KIAA0232: variants seen among roughly 807,000 people sequenced by gnomAD.
KIAA0232 encodes uncharacterized protein KIAA0232.
Under a neutral mutation model 122.0 loss-of-function variants are expected in KIAA0232, and 27 were observed. That is an observed-to-expected ratio of 0.22 (90% confidence interval 0.16 to 0.31). KIAA0232 has a LOEUF of 0.31. Among genes scored for constraint, KIAA0232 ranks in the 10% least tolerant of loss-of-function variants. The pLI, the probability that KIAA0232 is intolerant of heterozygous loss-of-function variation, is 1.00. For synonymous variants in KIAA0232, 613 were observed against 587.6 expected (o/e 1.04, Z -0.63); for missense variants, 1,551 against 1,634.2 (o/e 0.95, Z 0.88).
intron 2 of KIAA0232, among the ~76,000 whole-genome samples, chr4:6,816,784 T>A (rs917958998): frequency 1.3e-5 from 2 of 152,222 alleles, no homozygotes; most frequent in African/African-American, 4.8e-5. Context: ...TTTATAGATA[T>A]AGGACTGTTC....
intron 1 of KIAA0232, among the ~76,000 whole-genome samples, chr4:6,797,384 G>A (rs1001115042): frequency 6.6e-6 from 1 of 152,150 alleles, no homozygotes; most frequent in African/African-American, 2.4e-5. Context: ...AGGCCTGTTG[G>A]GACAGTGAAC....
chr4:6,841,893 C>T (rs1457495575), intron 3 of KIAA0232, among the ~76,000 whole-genome samples, 174 bp from the exon 4 acceptor site: 1 of 152,126 alleles, frequency 6.6e-6, no homozygotes, highest in African/African-American at 2.4e-5. Flanking sequence ...TTTATAGAAT[C>T]AAGATAATCC....
At chr4:6,842,046 C>G (rs1188130864) in intron 3 of KIAA0232, 21 bp from the exon 4 acceptor site, 2 of 1,612,764 alleles carry the variant, frequency 1.2e-6, no homozygotes, top group Non-Finnish European at 1.7e-6. Context: ...GGTCATTTAA[C>G]CTGGTGCAAT....
intron 3 of KIAA0232, among the ~76,000 whole-genome samples, chr4:6,829,254 C>T (rs368373248): frequency 3.3e-5 from 5 of 152,078 alleles, no homozygotes; most frequent in Admixed American, 6.6e-5. Context: ...GGGCCAGTGA[C>T]GACAGTCTTT....
chr4:6,797,458 C>T lies in KIAA0232; in HGVS notation c.-353-7065C>T, dbSNP rs147314601. ...ATGCTAAATGCAGGGAAAAAGACTTCGCTTTAACCCTCAACAAATGTATAA... is the reference window on the plus strand; with the variant it reads ...ATGCTAAATGCAGGGAAAAAGACTTTGCTTTAACCCTCAACAAATGTATAA... On this transcript the variant is annotated intron_variant, in intron 1 of 9. Transcript: ENST00000307659. Among the ~76,000 whole-genome samples the T allele has an allele frequency of 2.0e-4, 31 of 152,290 alleles. No individual in the cohort carries two copies. In the East Asian group the frequency reaches 4.6e-3, roughly 23 times the overall value.
chr4:6,784,269 TAGAA>T (rs1209272797), intron 1 of KIAA0232, among the ~76,000 whole-genome samples: 4 of 152,098 alleles, frequency 2.6e-5, no homozygotes, highest in Non-Finnish European at 4.4e-5. Context: ...TAAAAACTGT[TAGAA>T]AGCTCGTGAG....
chr4:6,880,456 C>T (rs6820582), intron 9 of KIAA0232, among the ~76,000 whole-genome samples: 46,195 of 150,370 alleles, frequency 0.31, 8,012 homozygotes, highest in Middle Eastern at 0.39. Context: ...GCCTGGCATG[C>T]GCCTTCCACT....
chr4:6,849,591 G>T (rs918281073), intron 4 of KIAA0232, among the ~76,000 whole-genome samples: 3 of 152,084 alleles, frequency 2.0e-5, no homozygotes, highest in Non-Finnish European at 4.4e-5. Context: ...ACTGCAGCCT[G>T]GGCAACAGAG....
At chr4:6,815,345 G>A (rs1334732103) in intron 2 of KIAA0232, among the ~76,000 whole-genome samples, 3 of 152,106 alleles carry the variant, frequency 2.0e-5, no homozygotes, top group African/African-American at 7.2e-5. Flanking sequence ...CAGATAATTC[G>A]TGAACCAACA....
At chr4:6,826,045 G>A (rs1267247793) in intron 3 of KIAA0232, among the ~76,000 whole-genome samples, 1 of 152,050 alleles carries the variant, frequency 6.6e-6, no homozygotes, top group East Asian at 1.9e-4. Flanking sequence ...GAACTCCTGG[G>A]CTCAAGCAAT....
chr4:6,873,208 T>C (rs1560211315), intron 8 of KIAA0232, among the ~76,000 whole-genome samples: 3 of 152,196 alleles, frequency 2.0e-5, no homozygotes, highest in Admixed American at 2.0e-4. Flanking sequence ...GTCTCAAGTT[T>C]AGTACTGTAA....
At chr4:6,788,350 C>G (rs1199059138) in intron 1 of KIAA0232, among the ~76,000 whole-genome samples, 1 of 152,204 alleles carries the variant, frequency 6.6e-6, no homozygotes, top group African/African-American at 2.4e-5. Context: ...TATTTCAACA[C>G]AAGACCTCTG....
rs34146483 is a variant in KIAA0232 at position 6,806,737 on chromosome 4, C to CA, written c.-270+2157dup. The stretch of plus-strand genomic sequence containing the variant: ...TGACAGAGCTAGATAGACTCCCTCT[C>CA]AAAAAAAAAAAAAAAAAAAAAAAAA... On this transcript the variant is annotated intron_variant, in intron 2 of 9. Transcript: ENST00000307659. 5.5e-3 allele frequency among the ~76,000 whole-genome samples: 262 copies of CA among 47,656 alleles called. 14 individuals are homozygous for CA. Among genetic ancestry groups the CA allele is most frequent in the South Asian group, 0.025 (19 of 764 alleles). 31.3% of individuals were successfully genotyped at this position (47,656 alleles called of 152,430 possible).
At chr4:6,856,345 A>G (rs903030232) in intron 4 of KIAA0232, among the ~76,000 whole-genome samples, 2 of 152,184 alleles carry the variant, frequency 1.3e-5, no homozygotes, top group South Asian at 4.1e-4. Flanking sequence ...AAAGTTTCTG[A>G]GAAATACATT....
At position 6,822,403 on chromosome 4, in the gene KIAA0232, T is replaced by C. The variant is rs111228584; in HGVS notation, c.-269-1782T>C. ...AATTTACTACATAGTGATAGATAAA[T>C]GCAAGAAACTCAGTCTTAAATCTTT... On this transcript the variant is annotated intron_variant, in intron 2 of 9. Transcript: ENST00000307659. Among the ~76,000 whole-genome samples the C allele has an allele frequency of 4.7e-3, 710 of 152,330 alleles. 4 individuals carry two copies. The highest frequency in any genetic ancestry group is 0.016 in the African/African-American group (664 of 41,578).
chr4:6,862,671 AG>A lies in KIAA0232; in HGVS notation c.2290del (p.Asp764MetfsTer11). 6.2e-7 allele frequency: 1 copy of A among 1,610,760 alleles called. No individual in the cohort carries two copies. The highest frequency in any genetic ancestry group is 8.5e-7 in the Non-Finnish European group (1 of 1,179,210). ...VDEELLDFLQ[D>X]ETCQQNSRTL... Reference sequence around the variant, plus strand: ...ATGAAGAACTTCTAGATTTTTTGCAAGATGAAACTTGCCAGCAAAACAGTAG... The same window carrying A: ...ATGAAGAACTTCTAGATTTTTTGCAAATGAAACTTGCCAGCAAAACAGTAG... On this transcript the variant is annotated frameshift_variant, in exon 7 of 10. Coordinates refer to ENST00000307659, the MANE Select transcript of KIAA0232 (RefSeq NM_014743.3). LOFTEE classifies it high-confidence loss of function.
At chr4:6,788,383 T>A (rs1180137921) in intron 1 of KIAA0232, among the ~76,000 whole-genome samples, 1 of 152,244 alleles carries the variant, frequency 6.6e-6, no homozygotes, top group Non-Finnish European at 1.5e-5. Flanking sequence ...ATTGGCAGAC[T>A]ACTCTGAAAT....
In KIAA0232 at chr4:6,861,361, G is replaced by A; in HGVS notation, c.979G>A (p.Gly327Arg). The A allele has an allele frequency of 6.2e-7, 1 of 1,614,140 alleles. No individual in the cohort carries two copies. Among genetic ancestry groups the A allele is most frequent in the Non-Finnish European group, 8.5e-7 (1 of 1,180,040 alleles). ...GGCACGAGAGATTCGAAACAAAAAAGGGCGGAATGGGCAAAGCAGGCTTTC... is the reference window on the plus strand; with the variant it reads ...GGCACGAGAGATTCGAAACAAAAAAAGGCGGAATGGGCAAAGCAGGCTTTC... ...HKAREIRNKK[G>R]RNGQSRLSLK... Residue 327 changes from glycine (G) to arginine (R), a missense_variant, in exon 7 of 10, where the codon GGG becomes AGG. Gly to Arg is a moderately radical substitution (Grantham distance 125). Around this residue, in one of 5 missense-constraint regions of KIAA0232, gnomAD observed 377 missense variants for 381.7 expected, o/e 0.99. Coordinates refer to ENST00000307659, the MANE Select transcript of KIAA0232 (RefSeq NM_014743.3).
chr4:6,864,536 C>T (rs1314957919), intron 7 of KIAA0232, among the ~76,000 whole-genome samples: 2 of 151,836 alleles, frequency 1.3e-5, no homozygotes, highest in Non-Finnish European at 2.9e-5. Context: ...GTCAGGAGTT[C>T]AAGACCAGCT....
Sources: allele counts gnomAD v4.1 joint callset (sites outside exome capture counted in the v4.1 genomes callset), GRCh38; gene constraint gnomAD v4.1.1; regional missense constraint gnomAD v4.1.1; transcripts MANE v1.5; gene names NCBI Gene and HGNC (gene_info 2026-07-23, HGNC 2026-07-21).